HNRNPR: variants seen among roughly 807,000 people sequenced by gnomAD.
HNRNPR encodes the protein heterogeneous nuclear ribonucleoprotein R.
In HNRNPR, 4 loss-of-function variants were observed where a neutral mutation model predicts 70.3. That is an observed-to-expected ratio of 0.06 (90% CI 0.03 to 0.13). The LOEUF is 0.13. HNRNPR is among the 10% of genes least tolerant of loss of function. The pLI, the probability that HNRNPR is intolerant of heterozygous loss-of-function variation, is 1.00. For missense variants in HNRNPR, 423 were observed against 788.5 expected (o/e 0.54, Z 5.55); for synonymous variants, 241 against 267.6 (o/e 0.90, Z 0.97).
At position 23,319,031 on chromosome 1, in the gene HNRNPR, A is replaced by C. The variant is rs1030453722; in HGVS notation, c.812-343T>G. On this transcript the variant is annotated intron_variant, in intron 7 of 10. Coordinates refer to ENST00000302271, the MANE Select transcript of HNRNPR (RefSeq NM_005826.5). ...AAAACAAAATTAGTAATATAAACCC[A>C]AGAGAACTAACTTTTGACAACTAAT... is the stretch of plus-strand genomic sequence containing the variant. Among the ~76,000 whole-genome samples the C allele has an allele frequency of 1.4e-4, 22 of 152,230 alleles. 1 individual carries two copies. Among genetic ancestry groups the C allele is most frequent in the Admixed American group, 1.4e-3 (22 of 15,280 alleles).
chr1:23,336,096 G>A (rs1268969617), intron 4 of HNRNPR, among the ~76,000 whole-genome samples: 31 of 89,546 alleles, frequency 3.5e-4, no homozygotes, highest in East Asian at 7.0e-4. Context: ...CAGCCTGGGC[G>A]ACAGAGCGAG....
At chr1:23,329,959 T>G (rs761378481) in intron 5 of HNRNPR, among the ~76,000 whole-genome samples, 1 of 152,204 alleles carries the variant, frequency 6.6e-6, no homozygotes, top group Non-Finnish European at 1.5e-5. Flanking sequence ...TCTATTAGGA[T>G]TCTTATATTA....
At chr1:23,338,244 A>G in intron 3 of HNRNPR, 1 of 342,546 alleles carries the variant, frequency 2.9e-6, no homozygotes, top group Non-Finnish European at 5.2e-6. Context: ...AGTAACAACC[A>G]TCAAAACTTG....
chr1:23,305,072 C>T lies in HNRNPR; in HGVS notation c.*5382G>A, dbSNP rs1645183851. 1 of 152,080 alleles carries T rather than the reference C, an allele frequency of 6.6e-6. No homozygotes were observed. Among genetic ancestry groups the T allele is most frequent in the Non-Finnish European group, 1.5e-5 (1 of 68,008 alleles). 9.4% of individuals were successfully genotyped at this position (152,080 alleles called of 1,614,324 possible). A position where few individuals can be genotyped will look rare whatever the true frequency, so the allele number is the denominator to read the frequency against. On this transcript the variant is annotated 3_prime_UTR_variant, in exon 11 of 11. Transcript: ENST00000302271. ...CAAATCTACTATATAAAGTGAGAGC[C>T]CTTATTTAAATTTGAGCAATTTAAG...
chr1:23,322,428 G>T (rs1242710313), intron 6 of HNRNPR, among the ~76,000 whole-genome samples: 2 of 151,824 alleles, frequency 1.3e-5, no homozygotes, highest in Non-Finnish European at 2.9e-5. Flanking sequence ...TAAAGACAGG[G>T]TTTCACCACG....
At position 23,308,194 on chromosome 1, in the gene HNRNPR, AGAG is replaced by A. The variant is rs1394961726; in HGVS notation, c.*2257_*2259del. The A allele has an allele frequency of 6.6e-6, 1 of 152,080 alleles. No individual in the cohort carries two copies. The highest frequency in any genetic ancestry group is 2.4e-5 in the African/African-American group (1 of 41,452). 9.4% of individuals were successfully genotyped at this position (152,080 alleles called of 1,614,324 possible). ...TATATTTTTAATTAGTGAAAAGGAC[AGAG>A]GAGGAGGTGGCCACTTTAAAATTCA... On this transcript the variant is annotated 3_prime_UTR_variant, in exon 11 of 11. Coordinates refer to ENST00000302271, the MANE Select transcript of HNRNPR (RefSeq NM_005826.5).
intron 4 of HNRNPR, among the ~76,000 whole-genome samples, chr1:23,337,389 T>C (rs1403796964): frequency 6.6e-6 from 1 of 152,238 alleles, no homozygotes; most frequent in Non-Finnish European, 1.5e-5. Flanking sequence ...CTGGGCGTGG[T>C]GGCTCACGTC....
At chr1:23,327,183 GT>G (rs1480214415) in intron 5 of HNRNPR, among the ~76,000 whole-genome samples, 68 of 152,156 alleles carry the variant, frequency 4.5e-4, no homozygotes, top group African/African-American at 1.6e-3. Flanking sequence ...TCTGCTTGAA[GT>G]TGCTCCACGT....
chr1:23,314,649 C>T (rs1218687257), intron 8 of HNRNPR, among the ~76,000 whole-genome samples: 1 of 152,150 alleles, frequency 6.6e-6, no homozygotes, highest in Non-Finnish European at 1.5e-5. Flanking sequence ...GGCACTGAGA[C>T]ATTTGTTATC....
intron 6 of HNRNPR, among the ~76,000 whole-genome samples, chr1:23,322,669 C>T (rs1003397944): frequency 1.3e-5 from 2 of 152,004 alleles, no homozygotes; most frequent in African/African-American, 4.8e-5. Context: ...AAGAAAAAAT[C>T]CATAATAAAA....
chr1:23,329,070 A>C (rs1183932545), intron 5 of HNRNPR, among the ~76,000 whole-genome samples: 1 of 152,160 alleles, frequency 6.6e-6, no homozygotes, highest in Non-Finnish European at 1.5e-5. Flanking sequence ...GCAGTGAGCT[A>C]CGATTGTGCC....
chr1:23,326,739 C>T (rs763676709), intron 5 of HNRNPR, among the ~76,000 whole-genome samples: 92 of 152,242 alleles, frequency 6.0e-4, no homozygotes, highest in Non-Finnish European at 2.1e-4. Flanking sequence ...GAGCTGAGAT[C>T]GCGCCATTGC....
chr1:23,322,286 A>AG (rs1426034153), intron 6 of HNRNPR, among the ~76,000 whole-genome samples: 4 of 151,296 alleles, frequency 2.6e-5, no homozygotes, highest in African/African-American at 9.7e-5. Context: ...TCCAAGCTGG[A>AG]GGGCAGTAGC....
Position 23,321,534 on chromosome 1 carries a change from C to G in HNRNPR, c.805G>C (p.Val269Leu). 2 of 1,612,420 alleles carry G rather than the reference C, an allele frequency of 1.2e-6. No individual in the cohort carries two copies. Among genetic ancestry groups the G allele is most frequent in the South Asian group, 2.2e-5 (2 of 90,812 alleles). ...KENILEEFSK[V>L]TEGLVDVILY... ...AAATACATTTTTGTTTTACCTGTGA[C>G]TTTACTGAATTCTTCCAAAATGTTT... is the stretch of plus-strand genomic sequence containing the variant. The change falls in exon 7 of 11, where the codon GTC becomes CTC. Residue 269 changes from valine to leucine, a missense_variant. This residue lies in a region of HNRNPR where 118 missense variants were observed against 239.3 expected (regional missense o/e 0.49). Coordinates refer to ENST00000302271, the MANE Select transcript of HNRNPR (RefSeq NM_005826.5).
Position 23,308,420 on chromosome 1 carries a change from G to GA in HNRNPR, c.*2033dup, listed in dbSNP as rs1046653977. On this transcript the variant is annotated 3_prime_UTR_variant, in exon 11 of 11. Transcript: ENST00000302271. ...TATTTGTAGATTTTGTTCTTTCCAGGAAAAAAATCAGGGTTTTACTTAAGT... is the reference window on the plus strand; with the variant it reads ...TATTTGTAGATTTTGTTCTTTCCAGGAAAAAAAATCAGGGTTTTACTTAAGT... 3 of 151,850 alleles carry GA rather than the reference G, an allele frequency of 2.0e-5. No homozygotes were observed. Among genetic ancestry groups the GA allele is most frequent in the East Asian group, 1.9e-4 (1 of 5,176 alleles). The allele number at this position is 151,850 out of a possible 1,614,324, so 9.4% of individuals were successfully genotyped here.
intron 7 of HNRNPR, among the ~76,000 whole-genome samples, chr1:23,319,392 CT>C (rs1645670885): frequency 6.6e-6 from 1 of 152,192 alleles, no homozygotes; most frequent in Non-Finnish European, 1.5e-5. Context: ...GACTTCCTAT[CT>C]AATAAACAGT....
chr1:23,328,023 AAAG>A (rs1330099782), intron 5 of HNRNPR, among the ~76,000 whole-genome samples: 6 of 152,056 alleles, frequency 3.9e-5, no homozygotes, highest in Non-Finnish European at 8.8e-5. Context: ...AGAAAAGAAA[AAAG>A]AAGTCTGAAG....
At chr1:23,332,394 T>C (rs1004888935) in intron 5 of HNRNPR, among the ~76,000 whole-genome samples, 17 of 99,390 alleles carry the variant, frequency 1.7e-4, no homozygotes, top group African/African-American at 5.1e-4. Context: ...CAGTTCTAAA[T>C]TATTGATATT....
chr1:23,319,244 A>T (rs1050916237), intron 7 of HNRNPR, among the ~76,000 whole-genome samples: 1 of 152,090 alleles, frequency 6.6e-6, no homozygotes, highest in Non-Finnish European at 1.5e-5. Context: ...AAATACTTAG[A>T]TTTTTTTCCT....
Sources: allele counts gnomAD v4.1 joint callset (sites outside exome capture counted in the v4.1 genomes callset), GRCh38; gene constraint gnomAD v4.1.1; regional missense constraint gnomAD v4.1.1; transcripts MANE v1.5; gene names NCBI Gene and HGNC (gene_info 2026-07-23, HGNC 2026-07-21).